The following SH3RF1 variants were observed in gnomAD, a reference collection of about 807,000 sequenced individuals.
SH3RF1 encodes the protein SH3 domain containing ring finger 1.
A neutral mutation model predicts 74.0 loss-of-function variants in SH3RF1; 32 were observed. That is an observed-to-expected ratio of 0.43 (90% CI 0.33 to 0.58). The LOEUF is 0.58. SH3RF1 is among the 20% of genes least tolerant of loss of function. SH3RF1 has a pLI of 0.05. For synonymous variants in SH3RF1, 396 were observed against 439.6 expected, an observed-to-expected ratio of 0.90 and a Z score of 1.24; for missense variants, 954 against 1,130.9, an observed-to-expected ratio of 0.84 and a Z score of 2.24.
At position 169,106,933 on chromosome 4, in the gene SH3RF1, G is replaced by A. The variant is rs145571212; in HGVS notation, c.2412C>T (p.Ser804=). ...AFHRKASSLD[S]AVPIAPPPRQ... ...GAGGAGGTGGAGCGATGGGAACTGC[G>A]GAGTCCAGGGAACTTGCCTTCCTAT... is the stretch of plus-strand genomic sequence containing the variant. The change falls in exon 11 of 12, where the codon TCC becomes TCT. Residue 804 remains serine (S), a synonymous_variant. Coordinates refer to ENST00000284637, the MANE Select transcript of SH3RF1 (RefSeq NM_020870.4). 1,077 of 1,613,822 alleles carry A rather than the reference G, an allele frequency of 6.7e-4. 1 individual carries two copies. In the African/African-American group the frequency reaches 0.011, roughly 16 times the overall value.
Position 169,156,637 on chromosome 4 carries a change from C to G in SH3RF1, c.436G>C (p.Glu146Gln). 3 of 1,613,606 alleles carry G rather than the reference C, an allele frequency of 1.9e-6. No individual in the cohort carries two copies. The highest frequency in any genetic ancestry group is 1.1e-5 in the South Asian group (1 of 91,038). Residue 146 changes from glutamate (E) to glutamine (Q), a missense_variant, in exon 3 of 12, where the codon GAA becomes CAA. Around this residue, in one of 3 missense-constraint regions of SH3RF1, gnomAD observed 854 missense variants for 962.5 expected, o/e 0.89. Coordinates refer to ENST00000284637, the MANE Select transcript of SH3RF1 (RefSeq NM_020870.4). ...LPCAKALYNY[E>Q]GKEPGDLKFS... ...TTAAGGTCTCCAGGCTCTTTTCCTT[C>G]ATAGTTGTATAATGCTTTGGCACAT...
intron 2 of SH3RF1, among the ~76,000 whole-genome samples, chr4:169,257,791 T>C (rs1393681524): frequency 6.6e-6 from 1 of 152,248 alleles, no homozygotes; most frequent in Non-Finnish European, 1.5e-5. Flanking sequence ...AGATGAGATC[T>C]AGCAAGCAAA....
At chr4:169,145,836 T>TTAC (rs1733870351) in intron 4 of SH3RF1, among the ~76,000 whole-genome samples, 1 of 132,608 alleles carries the variant, frequency 7.5e-6, no homozygotes, top group Non-Finnish European at 1.6e-5. Context: ...ATATAAAATA[T>TTAC]GTATTCTATA....
At chr4:169,255,514 G>GGAA (rs1731172556) in intron 2 of SH3RF1, among the ~76,000 whole-genome samples, 1 of 151,802 alleles carries the variant, frequency 6.6e-6, no homozygotes, top group Non-Finnish European at 1.5e-5. Flanking sequence ...GGAAGTGAGG[G>GGAA]GAAGGGTGGG....
chr4:169,143,271 C>G (rs1379395599), intron 4 of SH3RF1, among the ~76,000 whole-genome samples: 1 of 152,098 alleles, frequency 6.6e-6, no homozygotes, highest in Non-Finnish European at 1.5e-5. Context: ...TTTTATTTAG[C>G]CCAATGTATC....
intron 2 of SH3RF1, among the ~76,000 whole-genome samples, chr4:169,179,190 T>C (rs1434393556): frequency 6.6e-6 from 1 of 152,196 alleles, no homozygotes; most frequent in African/African-American, 2.4e-5. Context: ...GAGGGTAACA[T>C]GACTAAGGGA....
chr4:169,247,174 G>C (rs1165292636), intron 2 of SH3RF1, among the ~76,000 whole-genome samples: 1 of 152,226 alleles, frequency 6.6e-6, no homozygotes, highest in Admixed American at 6.5e-5. Context: ...GATGGGGCCA[G>C]AAGAGGACAG....
rs1402033054 is a variant in SH3RF1 at position 169,094,611 on chromosome 4, A to C, written c.*1908T>G. 1 of 152,306 alleles carries C rather than the reference A, an allele frequency of 6.6e-6. No individual in the cohort carries two copies. Among genetic ancestry groups the C allele is most frequent in the African/African-American group, 2.4e-5 (1 of 41,438 alleles). 9.4% of individuals were successfully genotyped at this position (152,306 alleles called of 1,614,324 possible). A position where few individuals can be genotyped will look rare whatever the true frequency, so the allele number is the denominator to read the frequency against. On this transcript the variant is annotated 3_prime_UTR_variant, in exon 12 of 12. Coordinates refer to ENST00000284637, the MANE Select transcript of SH3RF1 (RefSeq NM_020870.4). ...TTTTTATAAAATACACTAATTTCCCAAAATAAAGAATATTATGACACATTG... is the reference window on the plus strand; with the variant it reads ...TTTTTATAAAATACACTAATTTCCCCAAATAAAGAATATTATGACACATTG...
At chr4:169,123,971 G>A (rs1733484368) in intron 6 of SH3RF1, among the ~76,000 whole-genome samples, 1 of 152,130 alleles carries the variant, frequency 6.6e-6, no homozygotes, top group African/African-American at 2.4e-5. Flanking sequence ...ACCAGGAGAA[G>A]GGCAAGCATT....
At chr4:169,114,734 T>C (rs1475601277) in intron 10 of SH3RF1, among the ~76,000 whole-genome samples, 4 of 152,358 alleles carry the variant, frequency 2.6e-5, no homozygotes, top group East Asian at 1.9e-4. Flanking sequence ...TAGTTAATTA[T>C]AAACACTGAA....
At chr4:169,265,582 T>G (rs550006094) in intron 2 of SH3RF1, among the ~76,000 whole-genome samples, 13 of 152,316 alleles carry the variant, frequency 8.5e-5, no homozygotes, top group African/African-American at 2.6e-4. Flanking sequence ...CAAGCGATTC[T>G]CCAGCCTTGG....
At chr4:169,116,171 A>C in intron 10 of SH3RF1, 98 bp downstream of exon 10, 2 of 1,509,762 alleles carry the variant, frequency 1.3e-6, no homozygotes, top group Non-Finnish European at 1.8e-6. Flanking sequence ...TTTGTTGAAC[A>C]GTGAGTCCTC....
intron 2 of SH3RF1, among the ~76,000 whole-genome samples, chr4:169,186,466 C>T (rs1734604123): frequency 1.3e-5 from 2 of 151,876 alleles, no homozygotes. Flanking sequence ...TATTTTCTTT[C>T]TGATTCCATT....
chr4:169,136,508 G>A lies in SH3RF1; in HGVS notation c.878C>T (p.Ser293Phe), dbSNP rs202233981. Reference sequence around the variant, plus strand: ...CTTTTTGGTGTTCTTCTTGGTGTCGGAGTGCTTTGGGGCAGTGCTGCTCTG... The same window carrying A: ...CTTTTTGGTGTTCTTCTTGGTGTCGAAGTGCTTTGGGGCAGTGCTGCTCTG... ...AAQSSTAPKH[S>F]DTKKNTKKRH... Residue 293 changes from serine (S) to phenylalanine (F), a missense_variant, in exon 5 of 12, where the codon TCC becomes TTC. Physicochemically the swap from Ser to Phe is radical, Grantham distance 155 (BLOSUM62 -2). This residue lies in a region of SH3RF1 where 854 missense variants were observed against 962.5 expected (regional missense o/e 0.89). Transcript: ENST00000284637. 18 of 1,613,852 alleles carry A rather than the reference G, an allele frequency of 1.1e-5. No individual in the cohort carries two copies. The highest frequency in any genetic ancestry group is 1.1e-5 in the Non-Finnish European group (13 of 1,179,968).
chr4:169,144,760 GA>G (rs1475436833), intron 4 of SH3RF1, among the ~76,000 whole-genome samples: 24 of 151,430 alleles, frequency 1.6e-4, no homozygotes, highest in African/African-American at 5.6e-4. Context: ...AGGGTCAACT[GA>G]TTTTTTTTTT....
chr4:169,130,703 T>C (rs1397112596), intron 5 of SH3RF1, among the ~76,000 whole-genome samples: 1 of 152,250 alleles, frequency 6.6e-6, no homozygotes, highest in East Asian at 1.9e-4. Flanking sequence ...CAATTACTTA[T>C]AAAATCTTTA....
At chr4:169,218,631 G>A (rs967617490) in intron 2 of SH3RF1, among the ~76,000 whole-genome samples, 1 of 151,554 alleles carries the variant, frequency 6.6e-6, no homozygotes, top group Admixed American at 6.6e-5. Context: ...GCAGACCAGG[G>A]ACCAAAAGTG....
intron 2 of SH3RF1, among the ~76,000 whole-genome samples, chr4:169,172,460 T>TC (rs1175473206): frequency 1.3e-5 from 2 of 152,256 alleles, no homozygotes; most frequent in African/African-American, 2.4e-5. Flanking sequence ...CATTTAAATG[T>TC]CATTAACTTT....
chr4:169,219,016 C>G (rs548357455), intron 2 of SH3RF1, among the ~76,000 whole-genome samples: 1 of 152,262 alleles, frequency 6.6e-6, no homozygotes, highest in East Asian at 1.9e-4. Context: ...CCTCCAAATA[C>G]AACTTCCCAA....
Sources: gnomAD v4.1 joint callset for allele counts (sites outside exome capture counted in the v4.1 genomes callset) on GRCh38, gnomAD v4.1.1 for gene constraint, gnomAD v4.1.1 regional missense constraint, MANE v1.5 for transcripts, NCBI Gene and HGNC (gene_info 2026-07-23, HGNC 2026-07-21) for gene names.